BCAR3: variants seen among roughly 807,000 people sequenced by gnomAD.
The protein encoded by BCAR3 is BCAR3 adaptor protein, NSP family member, also known as breast cancer anti-estrogen resistance protein 3.
Under a neutral mutation model 80.1 loss-of-function variants are expected in BCAR3, and 37 were observed. The observed-to-expected ratio is 0.46, with a 90% CI of 0.36 to 0.61. The LOEUF (loss-of-function observed/expected upper bound fraction) is 0.61. BCAR3 is among the 20% of genes least tolerant of loss of function. The probability of loss-of-function intolerance (pLI) is 0.00; values close to 1 mark genes in which losing one functional copy is unlikely to be tolerated. For synonymous variants in BCAR3, 389 were observed against 418.9 expected, an observed-to-expected ratio of 0.93 and a Z score of 0.87; for missense variants, 978 against 1,068.2, an observed-to-expected ratio of 0.92 and a Z score of 1.18.
rs1489520972 is a variant in BCAR3 at position 93,582,587 on chromosome 1, C to T, written c.1400G>A (p.Gly467Asp). 6.2e-7 allele frequency: 1 copy of T among 1,613,612 alleles called. No homozygotes were observed. Among genetic ancestry groups the T allele is most frequent in the Non-Finnish European group, 8.5e-7 (1 of 1,179,842 alleles). Residue 467 changes from glycine (G) to aspartate (D), a missense_variant, in exon 7 of 12, where the codon GGT becomes GAT. Gly to Asp is a moderately conservative substitution (Grantham distance 94). Transcript: ENST00000260502. ...LLTAKQNEAP[G>D]PRNSGVNYLI... ...GTAGTTGACGCCAGAGTTCCGGGGA[C>T]CTGGCGCCTCATTCTGCTTGGCTGT...
chr1:93,819,001 T>C (rs910082205), intron 2 of BCAR3, among the ~76,000 whole-genome samples: 1 of 152,198 alleles, frequency 6.6e-6, no homozygotes, highest in Admixed American at 6.5e-5. Context: ...ATCAAATGTT[T>C]GTTATAATAA....
intron 7 of BCAR3, among the ~76,000 whole-genome samples, chr1:93,581,012 G>C (rs538108311): frequency 1.5e-4 from 23 of 152,194 alleles, no homozygotes; most frequent in Admixed American, 5.2e-4. Context: ...AATACAAAGA[G>C]TTAGCCAGGT....
intron 4 of BCAR3, among the ~76,000 whole-genome samples, chr1:93,589,660 A>G (rs1674091835): frequency 6.6e-6 from 1 of 152,232 alleles, no homozygotes; most frequent in Admixed American, 6.5e-5. Flanking sequence ...CAGTGGTGAC[A>G]GTGGCACACA....
intron 2 of BCAR3, among the ~76,000 whole-genome samples, chr1:93,718,856 C>T (rs1650283757): frequency 6.6e-6 from 1 of 151,178 alleles, no homozygotes; most frequent in South Asian, 2.1e-4. Context: ...CCACCACACT[C>T]AGCTAATTTT....
At chr1:93,676,450 ACT>A (rs1340764636) in intron 1 of BCAR3, among the ~76,000 whole-genome samples, 1 of 152,076 alleles carries the variant, frequency 6.6e-6, no homozygotes, top group East Asian at 1.9e-4. Context: ...TACAATCTTA[ACT>A]CTGTCCTCGG....
At chr1:93,573,624 A>ATT (rs1557838294) in intron 8 of BCAR3, among the ~76,000 whole-genome samples, 2 of 139,042 alleles carry the variant, frequency 1.4e-5, no homozygotes, top group African/African-American at 5.6e-5. Context: ...TATTATTATT[A>ATT]TTATTATTAT....
At chr1:93,640,629 C>G (rs1675947933) in intron 3 of BCAR3, among the ~76,000 whole-genome samples, 1 of 152,232 alleles carries the variant, frequency 6.6e-6, no homozygotes, top group Admixed American at 6.5e-5. Context: ...AAGCCACTGA[C>G]AACTCCAATA....
At chr1:93,758,448 C>G (rs12410985) in intron 2 of BCAR3, among the ~76,000 whole-genome samples, 17,825 of 152,208 alleles carry the variant, frequency 0.12, 1,467 homozygotes, top group African/African-American at 0.22. Context: ...AGACGACCAG[C>G]TTAAGCCTAA....
In BCAR3 at chr1:93,582,501, TCTC is replaced by T; in HGVS notation, c.1483_1485del (p.Glu495del). 6.2e-7 allele frequency: 1 copy of T among 1,614,030 alleles called. No individual in the cohort carries two copies. Among genetic ancestry groups the T allele is most frequent in the East Asian group, 2.2e-5 (1 of 44,860 alleles). ...AACTCGCCCTTGTCCCACTGCCCCTTCTCCATCTGAGCTGCCGCAGGTTCCCAA... is the reference window on the plus strand; with the variant it reads ...AACTCGCCCTTGTCCCACTGCCCCTTCATCTGAGCTGCCGCAGGTTCCCAA... On this transcript the variant is annotated inframe_deletion, in exon 7 of 12. Coordinates refer to ENST00000260502, the MANE Select transcript of BCAR3 (RefSeq NM_003567.4).
chr1:93,790,634 ATTTTTTTTTTTTCTTAAT>A lies in BCAR3; in HGVS notation c.-63+54915_-63+54932del, dbSNP rs1472634620. Among the ~76,000 whole-genome samples the A allele has an allele frequency of 1.9e-5, 2 of 107,426 alleles. 1 individual carries two copies. The highest frequency in any genetic ancestry group is 3.6e-5 in the Non-Finnish European group (2 of 55,478). The allele number at this position is 107,426 out of a possible 152,430, so 70.5% of individuals were successfully genotyped here. ...ATAGTCTTTTTTTTTTTTTGTATTCATTTTTTTTTTTTCTTAATTTTTTTTTTTTTAATTATACTTTAA... is the reference window on the plus strand; with the variant it reads ...ATAGTCTTTTTTTTTTTTTGTATTCATTTTTTTTTTTTAATTATACTTTAA... On this transcript the variant is annotated intron_variant, in intron 2 of 13. Transcript: ENST00000370244.
chr1:93,564,905 A>AAG (rs1277233965), intron 11 of BCAR3, among the ~76,000 whole-genome samples: 3 of 152,180 alleles, frequency 2.0e-5, no homozygotes, highest in African/African-American at 7.2e-5. Flanking sequence ...AACTCTTTTA[A>AAG]AGAGAGAGAA....
intron 2 of BCAR3, among the ~76,000 whole-genome samples, chr1:93,757,413 G>C (rs1651784873): frequency 6.6e-6 from 1 of 152,194 alleles, no homozygotes; most frequent in African/African-American, 2.4e-5. Flanking sequence ...AAGTCTCGCT[G>C]CACCAATTCC....
chr1:93,563,103 C>G (rs1407535341), intron 11 of BCAR3, among the ~76,000 whole-genome samples: 3 of 152,120 alleles, frequency 2.0e-5, no homozygotes, highest in Non-Finnish European at 4.4e-5. Context: ...TATGATTCAC[C>G]TGTTTTTGGC....
At chr1:93,757,525 A>G (rs1651787506) in intron 2 of BCAR3, among the ~76,000 whole-genome samples, 1 of 152,234 alleles carries the variant, frequency 6.6e-6, no homozygotes, top group Non-Finnish European at 1.5e-5. Context: ...TAACTGTTGT[A>G]TAAATAGTTG....
At chr1:93,632,741 C>T (rs1239093455) in intron 3 of BCAR3, among the ~76,000 whole-genome samples, 1 of 152,170 alleles carries the variant, frequency 6.6e-6, no homozygotes, top group Non-Finnish European at 1.5e-5. Flanking sequence ...TTTTGCCACT[C>T]TTCTTTTGAT....
rs145893320 is a variant in BCAR3, at chr1:93,567,434, G to A, written c.2144C>T (p.Thr715Met). ...AGTCACAGCCTGGCGCTCCATTAAC[G>A]TCACAAGCGGCATCAGCAGTGGGAC... ...VSVPLLMPLVTLMERQAVTFE... is the reference protein window; with the variant it reads ...VSVPLLMPLVMLMERQAVTFE... The change falls in exon 11 of 12, where the codon ACG becomes ATG. Residue 715 changes from threonine (T) to methionine (M), a missense_variant. By Grantham distance (81) the Thr-to-Met change is moderately conservative. Coordinates refer to ENST00000260502, the MANE Select transcript of BCAR3 (RefSeq NM_003567.4). The A allele has an allele frequency of 1.6e-4, 255 of 1,613,884 alleles. No homozygotes were observed. Among genetic ancestry groups the A allele is most frequent in the Non-Finnish European group, 2.1e-4 (250 of 1,179,998 alleles).
intron 2 of BCAR3, among the ~76,000 whole-genome samples, chr1:93,646,729 G>A (rs1451753489): frequency 6.6e-6 from 1 of 152,090 alleles, no homozygotes; most frequent in Non-Finnish European, 1.5e-5. Context: ...CTTTGCTTGT[G>A]TATACCTATG....
At chr1:93,820,782 A>T (rs2100818648) in intron 2 of BCAR3, among the ~76,000 whole-genome samples, 2 of 152,298 alleles carry the variant, frequency 1.3e-5, no homozygotes, top group African/African-American at 4.8e-5. Flanking sequence ...CCCAGAGGTC[A>T]GACGATGGGG....
intron 2 of BCAR3, among the ~76,000 whole-genome samples, chr1:93,727,665 G>T (rs1342864215): frequency 6.6e-6 from 1 of 152,094 alleles, no homozygotes; most frequent in Non-Finnish European, 1.5e-5. Context: ...CATGCCTTCT[G>T]TACAAAATTT....
Sources: allele counts gnomAD v4.1 joint callset (sites outside exome capture counted in the v4.1 genomes callset), GRCh38; gene constraint gnomAD v4.1.1; transcripts MANE v1.5; gene names NCBI Gene and HGNC (gene_info 2026-07-23, HGNC 2026-07-21).